The following CDIN1 variants were observed in gnomAD, a reference collection of about 807,000 sequenced individuals.
The protein encoded by CDIN1 is CDAN1-interacting nuclease 1.
A neutral mutation model predicts 45.3 loss-of-function variants in CDIN1; 33 were observed. The observed-to-expected ratio is 0.73, with a 90% CI of 0.55 to 0.97. The LOEUF (loss-of-function observed/expected upper bound fraction) is 0.97, where lower values mean the gene tolerates loss of function less well. CDIN1 is among the 50% of genes least tolerant of loss of function. CDIN1 has a pLI of 0.00. For missense variants in CDIN1, 303 were observed against 339.4 expected (o/e 0.89, Z 0.84); for synonymous variants, 118 against 124.4 (o/e 0.95, Z 0.34).
chr15:36,671,975 A>G (rs934909715), intron 5 of CDIN1, among the ~76,000 whole-genome samples: 3 of 152,206 alleles, frequency 2.0e-5, no homozygotes, highest in East Asian at 3.9e-4. Context: ...TAATCATTTT[A>G]TGGATTTTGA....
chr15:36,703,401 A>ATATATC (rs67311485), intron 8 of CDIN1, among the ~76,000 whole-genome samples: 2,209 of 59,986 alleles, frequency 0.037, 525 homozygotes, highest in African/African-American at 0.14. Context: ...ATATATATAT[A>ATATATC]TGATATACAT....
intron 10 of CDIN1, among the ~76,000 whole-genome samples, chr15:36,785,804 G>C (rs182217274): frequency 6.6e-6 from 1 of 152,244 alleles, no homozygotes; most frequent in East Asian, 1.9e-4. Context: ...ACTGCTTGCC[G>C]AAGTTTAATT....
intron 7 of CDIN1, among the ~76,000 whole-genome samples, chr15:36,695,673 T>TC (rs957979298): frequency 5.3e-5 from 8 of 152,102 alleles, no homozygotes; most frequent in African/African-American, 1.4e-4. Flanking sequence ...ATGGTAAAAC[T>TC]CCATCTGTAC....
intron 10 of CDIN1, among the ~76,000 whole-genome samples, chr15:36,788,088 ATATATATATATATATATATTTTTTTTT>A (rs2054538694): frequency 2.8e-5 from 1 of 35,246 alleles, no homozygotes; most frequent in Non-Finnish European, 4.5e-5. Context: ...ATATATATAT[ATATATATATATATATATATTTTTTTTT>A]TTTTTTTTTT....
At chr15:36,659,042 T>A (rs1377557932) in intron 5 of CDIN1, among the ~76,000 whole-genome samples, 1 of 152,226 alleles carries the variant, frequency 6.6e-6, no homozygotes, top group Non-Finnish European at 1.5e-5. Flanking sequence ...TGTGTGTTAT[T>A]TTCAACTTCG....
At chr15:36,600,336 A>G (rs977522545) in intron 1 of CDIN1, among the ~76,000 whole-genome samples, 6 of 152,228 alleles carry the variant, frequency 3.9e-5, no homozygotes, top group Non-Finnish European at 5.9e-5. Flanking sequence ...GAAATGGCCA[A>G]TATGCAGTTT....
intron 10 of CDIN1, among the ~76,000 whole-genome samples, chr15:36,764,703 C>T (rs1035172): frequency 0.68 from 102,990 of 152,056 alleles, 35,125 homozygotes; most frequent in East Asian, 0.93. Context: ...AAATCAGTGT[C>T]TGGTTTTACT....
intron 10 of CDIN1, among the ~76,000 whole-genome samples, chr15:36,807,934 A>C (rs191443863): frequency 6.6e-6 from 1 of 152,258 alleles, no homozygotes; most frequent in East Asian, 1.9e-4. Flanking sequence ...TTAATTTTTT[A>C]AATAGTACCA....
intron 1 of CDIN1, among the ~76,000 whole-genome samples, chr15:36,643,364 T>C (rs992629559): frequency 1.3e-5 from 2 of 152,182 alleles, no homozygotes; most frequent in African/African-American, 4.8e-5. Flanking sequence ...ATTTTTTCAT[T>C]TATAAATAGA....
At chr15:36,748,941 C>T (rs2053380168) in intron 10 of CDIN1, among the ~76,000 whole-genome samples, 1 of 152,136 alleles carries the variant, frequency 6.6e-6, no homozygotes, top group Non-Finnish European at 1.5e-5. Context: ...TGTATCACTA[C>T]AAATAAAACT....
At chr15:36,586,910 T>C (rs2037328271) in intron 1 of CDIN1, among the ~76,000 whole-genome samples, 1 of 152,242 alleles carries the variant, frequency 6.6e-6, no homozygotes, top group African/African-American at 2.4e-5. Flanking sequence ...AAGGATTCGT[T>C]GAATAGTTAG....
At chr15:36,734,630 G>A (rs2043950669) in intron 10 of CDIN1, among the ~76,000 whole-genome samples, 1 of 152,104 alleles carries the variant, frequency 6.6e-6, no homozygotes, top group Non-Finnish European at 1.5e-5. Flanking sequence ...TCTCATCCAA[G>A]CACACACACA....
At chr15:36,751,229 T>TTATATATATTTATATATATATATATATA (rs2053458039) in intron 10 of CDIN1, among the ~76,000 whole-genome samples, 1 of 97,612 alleles carries the variant, frequency 1.0e-5, no homozygotes, top group African/African-American at 4.3e-5. Context: ...TATGCTTATT[T>TTATATATATTTATATATATATATATATA]TATATATATA....
intron 10 of CDIN1, among the ~76,000 whole-genome samples, chr15:36,723,681 C>T (rs1170901669): frequency 6.6e-6 from 1 of 152,206 alleles, no homozygotes; most frequent in African/African-American, 2.4e-5. Context: ...CTTCCCACCT[C>T]TGTCTCCCAA....
At chr15:36,709,184 AAT>A (rs746971834) in intron 8 of CDIN1, 37 bp from the exon 9 acceptor site, 38 of 1,527,382 alleles carry the variant, frequency 2.5e-5, no homozygotes, top group South Asian at 2.5e-5. Flanking sequence ...TTGTTAATTG[AAT>A]AGTGTTTTAA....
chr15:36,794,702 A>G (rs2054745348), intron 10 of CDIN1, among the ~76,000 whole-genome samples: 1 of 152,234 alleles, frequency 6.6e-6, no homozygotes, highest in Non-Finnish European at 1.5e-5. Context: ...TCATACATCT[A>G]TCAGTGGACA....
chr15:36,655,084 T>TA (rs1216627086), intron 4 of CDIN1, among the ~76,000 whole-genome samples: 1 of 152,160 alleles, frequency 6.6e-6, no homozygotes, highest in East Asian at 1.9e-4. Context: ...TTCTACATGT[T>TA]ATATTAGCAA....
At chr15:36,613,158 T>C (rs2072787491) in intron 1 of CDIN1, among the ~76,000 whole-genome samples, 1 of 152,232 alleles carries the variant, frequency 6.6e-6, no homozygotes, top group South Asian at 2.1e-4. Flanking sequence ...GTTCACATGT[T>C]ATCTCAATGC....
chr15:36,679,146 A>G (rs937836692), intron 5 of CDIN1, among the ~76,000 whole-genome samples: 5 of 152,118 alleles, frequency 3.3e-5, no homozygotes, highest in East Asian at 3.9e-4. Flanking sequence ...TGGATTGTGC[A>G]CTGAGTGCCA....
Sources: allele counts gnomAD v4.1 joint callset (sites outside exome capture counted in the v4.1 genomes callset), GRCh38; gene constraint gnomAD v4.1.1; transcripts MANE v1.5; gene names NCBI Gene and HGNC (gene_info 2026-07-23, HGNC 2026-07-21).